The following KATNIP variants were observed in gnomAD, a reference collection of about 807,000 sequenced individuals.
The protein encoded by KATNIP is katanin-interacting protein.
A neutral mutation model predicts 174.0 loss-of-function variants in KATNIP; 126 were observed. The ratio of observed to expected loss-of-function variants is 0.72; its 90% CI spans 0.63 to 0.84. The LOEUF (loss-of-function observed/expected upper bound fraction) is 0.84. Among genes scored for constraint, KATNIP ranks in the 40% least tolerant of loss-of-function variants. KATNIP has a pLI of 0.00. For missense variants in KATNIP, 1,958 were observed against 2,109.7 expected (o/e 0.93, Z 1.41); for synonymous variants, 810 against 835.7 (o/e 0.97, Z 0.53).
At chr16:27,632,508 G>A (rs969369626) in intron 5 of KATNIP, 1 of 428,442 alleles carries the variant, frequency 2.3e-6, no homozygotes, top group Non-Finnish European at 4.9e-6. Flanking sequence ...AGGATCTGAG[G>A]GTGGAGGTTT....
chr16:27,606,459 C>T (rs1047512333), intron 2 of KATNIP, among the ~76,000 whole-genome samples: 6 of 151,994 alleles, frequency 3.9e-5, no homozygotes, highest in Admixed American at 6.6e-5. Context: ...AGTACCCACT[C>T]GGGTATAAAT....
intron 6 of KATNIP, among the ~76,000 whole-genome samples, chr16:27,661,933 T>TATATATATACACATAC (rs2077495942): frequency 1.7e-5 from 1 of 58,900 alleles, no homozygotes; most frequent in Non-Finnish European, 3.1e-5. Flanking sequence ...TATATATATA[T>TATATATATACACATAC]ATATATATAT....
chr16:27,676,002 A>G (rs1216793078), intron 6 of KATNIP, among the ~76,000 whole-genome samples: 1 of 152,178 alleles, frequency 6.6e-6, no homozygotes, highest in African/African-American at 2.4e-5. Context: ...TTTTCTCTCC[A>G]TAGCATACTT....
intron 11 of KATNIP, among the ~76,000 whole-genome samples, chr16:27,703,265 G>A (rs734652): frequency 6.6e-6 from 1 of 152,056 alleles, no homozygotes; most frequent in Non-Finnish European, 1.5e-5. Context: ...CCAAATGCTT[G>A]GTTCCTCGGC....
chr16:27,710,783 G>A (rs1003555966), intron 13 of KATNIP, among the ~76,000 whole-genome samples: 2 of 152,178 alleles, frequency 1.3e-5, no homozygotes, highest in African/African-American at 4.8e-5. Context: ...ACGGGCATAA[G>A]CCAGCATGCC....
chr16:27,657,979 T>C (rs2077353801), intron 6 of KATNIP, among the ~76,000 whole-genome samples: 1 of 152,240 alleles, frequency 6.6e-6, no homozygotes, highest in Non-Finnish European at 1.5e-5. Context: ...GATGTTATGC[T>C]GTAGTTATAC....
chr16:27,754,169 G>A lies in KATNIP; in HGVS notation c.3553-4G>A. 1 of 1,613,662 alleles carries A rather than the reference G, an allele frequency of 6.2e-7. No individual in the cohort carries two copies. The highest frequency in any genetic ancestry group is 8.5e-7 in the Non-Finnish European group (1 of 1,179,632). The stretch of plus-strand genomic sequence containing the variant: ...TTTCCTCTGCTTCTCCAACCCATGT[G>A]CAGATCCCGGAGCTAGAGCTCCCAT... On this transcript the variant is annotated splice_region_variant and splice_polypyrimidine_tract_variant and intron_variant, in intron 17 of 27. Transcript: ENST00000261588.
At chr16:27,719,841 T>A (rs1366073027) in intron 13 of KATNIP, among the ~76,000 whole-genome samples, 1 of 151,996 alleles carries the variant, frequency 6.6e-6, no homozygotes, top group African/African-American at 2.4e-5. Flanking sequence ...TGCTAATTTT[T>A]AAAATTTTTT....
intron 6 of KATNIP, among the ~76,000 whole-genome samples, chr16:27,659,164 A>G (rs1597087355): frequency 6.6e-6 from 1 of 152,184 alleles, no homozygotes; most frequent in Non-Finnish European, 1.5e-5. Flanking sequence ...AAGTATTCAT[A>G]TATTTTCAAA....
Position 27,593,184 on chromosome 16 carries a change from A to G in KATNIP, c.63+19228A>G, listed in dbSNP as rs7203858. 9.8e-3 allele frequency among the ~76,000 whole-genome samples: 1,460 copies of G among 148,248 alleles called. 30 individuals carry two copies. The highest frequency in any genetic ancestry group is 0.034 in the African/African-American group (1,362 of 40,324). ...CAATGACTCCTAAGTTCACTTACCC[A>G]CTTAAAGAGAGTAGCCAGATCTGCC... is the stretch of plus-strand genomic sequence containing the variant. On this transcript the variant is annotated intron_variant, in intron 2 of 27. Coordinates refer to ENST00000261588, the MANE Select transcript of KATNIP (RefSeq NM_015202.5).
At chr16:27,550,311 G>T in intron 1 of KATNIP, 134 bp downstream of exon 1, 1 of 994,586 alleles carries the variant, frequency 1.0e-6, no homozygotes, top group Non-Finnish European at 1.5e-6. Context: ...CCGAAATGAG[G>T]GATAGGGAGG....
In KATNIP at chr16:27,642,769, A is replaced by T. The variant is rs577925536; in HGVS notation, c.409-5835A>T. Among the ~76,000 whole-genome samples, 1,009 of 125,668 alleles carry T rather than the reference A, an allele frequency of 8.0e-3. 12 individuals are homozygous for T. Among genetic ancestry groups the T allele is most frequent in the Non-Finnish European group, 0.012 (718 of 57,698 alleles). 82.4% of individuals were successfully genotyped at this position (125,668 alleles called of 152,430 possible). A position where few individuals can be genotyped will look rare whatever the true frequency, so the allele number is the denominator to read the frequency against. On this transcript the variant is annotated intron_variant, in intron 5 of 27. Transcript: ENST00000261588. Reference sequence around the variant, plus strand: ...CACATTGTTTTTTAATTTTTAAAAAATTTTTTTTTTTTTTTTTTTGTGGAG... The same window carrying T: ...CACATTGTTTTTTAATTTTTAAAAATTTTTTTTTTTTTTTTTTTTGTGGAG...
intron 8 of KATNIP, among the ~76,000 whole-genome samples, chr16:27,697,676 C>T (rs1387441651): frequency 1.3e-5 from 2 of 151,546 alleles, no homozygotes; most frequent in Non-Finnish European, 2.9e-5. Context: ...ATGTATTGAT[C>T]TGTAAATTAA....
At chr16:27,753,441 G>A (rs2081594293) in intron 17 of KATNIP, among the ~76,000 whole-genome samples, 1 of 152,164 alleles carries the variant, frequency 6.6e-6, no homozygotes, top group Non-Finnish European at 1.5e-5. Flanking sequence ...GCTGTGAGGG[G>A]CTGGGGGGAT....
At chr16:27,753,176 G>C (rs1435125641) in intron 17 of KATNIP, among the ~76,000 whole-genome samples, 1 of 152,040 alleles carries the variant, frequency 6.6e-6, no homozygotes, top group Non-Finnish European at 1.5e-5. Flanking sequence ...CACCAAGAGG[G>C]GCAAGCCCAT....
chr16:27,619,263 CCA>C (rs1386450451), intron 3 of KATNIP, among the ~76,000 whole-genome samples: 3 of 152,194 alleles, frequency 2.0e-5, no homozygotes, highest in Admixed American at 6.5e-5. Context: ...GTCTGTGAGA[CCA>C]CAGTTCCCCC....
chr16:27,778,257 G>A (rs996360889), intron 27 of KATNIP, among the ~76,000 whole-genome samples: 1 of 152,236 alleles, frequency 6.6e-6, no homozygotes, highest in African/African-American at 2.4e-5. Context: ...CATGTTAAAG[G>A]GGTTTGCCCC....
intron 13 of KATNIP, among the ~76,000 whole-genome samples, chr16:27,713,825 T>C (rs868053884): frequency 5.1e-5 from 3 of 59,374 alleles, no homozygotes; most frequent in South Asian, 1.1e-3. Context: ...TATATATATA[T>C]ATATATATAT....
chr16:27,649,732 C>A (rs1406878098), intron 6 of KATNIP, among the ~76,000 whole-genome samples: 1 of 152,178 alleles, frequency 6.6e-6, no homozygotes, highest in Non-Finnish European at 1.5e-5. Flanking sequence ...ACGATGAGAT[C>A]ATTTCAGGTA....
Sources: gnomAD v4.1 joint callset for allele counts (sites outside exome capture counted in the v4.1 genomes callset) on GRCh38, gnomAD v4.1.1 for gene constraint, MANE v1.5 for transcripts, NCBI Gene and HGNC (gene_info 2026-07-23, HGNC 2026-07-21) for gene names.